CBX3: variants seen among roughly 807,000 people sequenced by gnomAD.
CBX3 encodes the protein chromobox protein homolog 3.
A neutral mutation model predicts 22.6 loss-of-function variants in CBX3; 5 were observed. The observed-to-expected ratio is 0.22, with a 90% CI of 0.12 to 0.47. The LOEUF (loss-of-function observed/expected upper bound fraction) is 0.47. Among genes scored for constraint, CBX3 ranks in the 20% least tolerant of loss-of-function variants. The pLI is 0.99. For missense variants in CBX3, 83 were observed against 208.1 expected (o/e 0.40, Z 3.70); for synonymous variants, 50 against 66.6 (o/e 0.75, Z 1.21).
chr7:26,208,683 T>G, intron 4 of CBX3, 128 bp downstream of exon 4: 2 of 813,526 alleles, frequency 2.5e-6, no homozygotes, highest in Non-Finnish European at 3.7e-6. Flanking sequence ...TGCAATGGCA[T>G]GATCTTGGTC....
In CBX3 at chr7:26,212,958, CTAAGT is replaced by C. The variant is rs1784843415; in HGVS notation, c.*754_*758del. 6.6e-6 allele frequency: 1 copy of C among 152,270 alleles called. No individual in the cohort carries two copies. Among genetic ancestry groups the C allele is most frequent in the Admixed American group, 6.5e-5 (1 of 15,290 alleles). 9.4% of individuals were successfully genotyped at this position (152,270 alleles called of 1,614,324 possible). A position where few individuals can be genotyped will look rare whatever the true frequency, so the allele number is the denominator to read the frequency against. On this transcript the variant is annotated 3_prime_UTR_variant, in exon 6 of 6. Transcript: ENST00000396386. ...GTGTGTTTTAACTAGCTAAACAAAA[CTAAGT>C]TAAATGAACATTTAAAAGTTTCCCT...
chr7:26,202,862 G>T (rs1042197147), intron 1 of CBX3, 109 bp from the exon 2 acceptor site: 12 of 703,160 alleles, frequency 1.7e-5, no homozygotes, highest in Non-Finnish European at 2.3e-5. Context: ...TTGTATTCAC[G>T]TTTGAAATGT....
intron 5 of CBX3, 90 bp downstream of exon 5, chr7:26,211,846 A>C: frequency 3.9e-6 from 4 of 1,017,622 alleles, no homozygotes; most frequent in Non-Finnish European, 5.8e-6. Flanking sequence ...GGTAGGGAAA[A>C]ACTATCTGCT....
intron 3 of CBX3, 144 bp from the exon 4 acceptor site, chr7:26,208,249 A>AATG: frequency 1.9e-6 from 1 of 532,914 alleles, no homozygotes; most frequent in Non-Finnish European, 3.2e-6. Context: ...GGGGTGGGGT[A>AATG]ATGTAGGGAA....
intron 2 of CBX3, among the ~76,000 whole-genome samples, chr7:26,204,198 T>A (rs562220988): frequency 6.6e-6 from 1 of 152,130 alleles, no homozygotes; most frequent in South Asian, 2.1e-4. Flanking sequence ...AATGCCATAG[T>A]AGTGAATGAA....
At position 26,206,465 on chromosome 7, in the gene CBX3, T is replaced by G. The variant is rs774040447; in HGVS notation, c.122T>G (p.Val41Gly). The G allele has an allele frequency of 3.1e-6, 5 of 1,613,994 alleles. No individual in the cohort carries two copies. The highest frequency in any genetic ancestry group is 4.2e-6 in the Non-Finnish European group (5 of 1,179,936). ...VVEKVLDRRV[V>G]NGKVEYFLKW... Reference sequence around the variant, plus strand: ...GAAAAAGTACTAGATCGACGTGTAGTGAATGGGAAAGTGGAATATTTCCTG... The same window carrying G: ...GAAAAAGTACTAGATCGACGTGTAGGGAATGGGAAAGTGGAATATTTCCTG... Residue 41 changes from valine to glycine, a missense_variant, in exon 3 of 6, where the codon GTG (valine) becomes GGG (glycine). Transcript: ENST00000396386.
At position 26,208,917 on chromosome 7, in the gene CBX3, C is replaced by CTTTTTTTTTTTT. The variant is rs59657982; in HGVS notation, c.330+385_330+396dup. Among the ~76,000 whole-genome samples the CTTTTTTTTTTTT allele has an allele frequency of 1.4e-4, 4 of 27,942 alleles. 2 individuals carry two copies. Among genetic ancestry groups the CTTTTTTTTTTTT allele is most frequent in the East Asian group, 4.4e-3 (2 of 456 alleles). The allele number at this position is 27,942 out of a possible 152,430, so 18.3% of individuals were successfully genotyped here. A position where few individuals can be genotyped will look rare whatever the true frequency, so the allele number is the denominator to read the frequency against. On this transcript the variant is annotated intron_variant, in intron 4 of 5. Coordinates refer to ENST00000396386, the MANE Select transcript of CBX3 (RefSeq NM_016587.4). ...GTAGGCATGAGCCACCACGCCTGGC[C>CTTTTTTTTTTTT]TTTTTTTTTTTTTTTTTTTTTTTTT... is the stretch of plus-strand genomic sequence containing the variant.
intron 3 of CBX3, 165 bp from the exon 4 acceptor site, chr7:26,208,228 A>AG (rs1413114922): frequency 2.1e-6 from 1 of 482,438 alleles, no homozygotes; most frequent in Non-Finnish European, 3.8e-6. Context: ...TCTCTGGCGG[A>AG]GGCAGGCTGG....
rs1468910139 is a variant in CBX3, at chr7:26,212,610, G to GTA, written c.*403_*404insAT. 4.1e-5 allele frequency: 6 copies of GTA among 147,368 alleles called. No individual in the cohort carries two copies. Among genetic ancestry groups the GTA allele is most frequent in the African/African-American group, 1.5e-4 (6 of 39,780 alleles). 9.1% of individuals were successfully genotyped at this position (147,368 alleles called of 1,614,324 possible). A position where few individuals can be genotyped will look rare whatever the true frequency, so the allele number is the denominator to read the frequency against. On this transcript the variant is annotated 3_prime_UTR_variant, in exon 6 of 6. Coordinates refer to ENST00000396386, the MANE Select transcript of CBX3 (RefSeq NM_016587.4). ...TGTGTGTGTGTGTGTGTGTGTGTGTGTGTATCCATAAAATGCATATGTAAA... is the reference window on the plus strand; with the variant it reads ...TGTGTGTGTGTGTGTGTGTGTGTGTGTATGTATCCATAAAATGCATATGTAAA...
At chr7:26,211,553 C>A (rs1784803342) in intron 4 of CBX3, 109 bp from the exon 5 acceptor site, 1 of 601,122 alleles carries the variant, frequency 1.7e-6, no homozygotes, top group African/African-American at 1.9e-5. Flanking sequence ...AATATGGGTT[C>A]TTGCTCTAGT....
At chr7:26,207,195 G>A (rs1185804175) in intron 3 of CBX3, among the ~76,000 whole-genome samples, 1 of 152,192 alleles carries the variant, frequency 6.6e-6, no homozygotes, top group African/African-American at 2.4e-5. Flanking sequence ...TGGAGATGGA[G>A]CATATGATAG....
Position 26,204,255 on chromosome 7 carries a change from G to A in CBX3, c.24+1233G>A, listed in dbSNP as rs190520743. ...CCTTTTTTTTTTTGTAAACCTTAGT[G>A]TGTATCCTTTTCATTTTCTGTATTT... On this transcript the variant is annotated intron_variant, in intron 2 of 5. Coordinates refer to ENST00000396386, the MANE Select transcript of CBX3 (RefSeq NM_016587.4). Among the ~76,000 whole-genome samples, 424 of 151,776 alleles carry A rather than the reference G, an allele frequency of 2.8e-3. 3 individuals are homozygous for A. Among genetic ancestry groups the A allele is most frequent in the African/African-American group, 9.5e-3 (395 of 41,378 alleles).
At position 26,206,416 on chromosome 7, in the gene CBX3, G is replaced by A; in HGVS notation, c.73G>A (p.Ala25Thr). ...QNGKSKKVEEAEPEEFVVEKV... is the reference protein window; with the variant it reads ...QNGKSKKVEETEPEEFVVEKV... ...TGGAAAGAGTAAAAAAGTTGAAGAG[G>A]CAGAGCCTGAAGAATTTGTCGTGGA... Residue 25 changes from alanine (A) to threonine (T), a missense_variant, in exon 3 of 6, where the codon GCA becomes ACA. Ala to Thr is a moderately conservative substitution (Grantham distance 58, BLOSUM62 0). Transcript: ENST00000396386. 1 of 1,613,588 alleles carries A rather than the reference G, an allele frequency of 6.2e-7. No individual in the cohort carries two copies. Among genetic ancestry groups the A allele is most frequent in the African/African-American group, 1.3e-5 (1 of 75,028 alleles).
Position 26,212,834 on chromosome 7 carries a change from A to G in CBX3, c.*626A>G, listed in dbSNP as rs1040898134. ...ATTGGATAATTTTAAAGTGTCTATAATTGCAGTGGTTTATTTGCAAAATTC... is the reference window on the plus strand; with the variant it reads ...ATTGGATAATTTTAAAGTGTCTATAGTTGCAGTGGTTTATTTGCAAAATTC... On this transcript the variant is annotated 3_prime_UTR_variant, in exon 6 of 6. Coordinates refer to ENST00000396386, the MANE Select transcript of CBX3 (RefSeq NM_016587.4). The G allele has an allele frequency of 6.6e-6, 1 of 152,274 alleles. No individual in the cohort carries two copies. The highest frequency in any genetic ancestry group is 2.4e-5 in the African/African-American group (1 of 41,474). The allele number at this position is 152,274 out of a possible 1,614,324, so 9.4% of individuals were successfully genotyped here.
intron 3 of CBX3, among the ~76,000 whole-genome samples, chr7:26,207,509 T>C (rs1784706017): frequency 6.6e-6 from 1 of 152,132 alleles, no homozygotes; most frequent in Non-Finnish European, 1.5e-5. Flanking sequence ...TAACAGGTAA[T>C]GTAAAAGACT....
In CBX3 at chr7:26,208,473, G is replaced by A. The variant is rs1030298185; in HGVS notation, c.248G>A (p.Gly83Asp). The A allele has an allele frequency of 6.2e-7, 1 of 1,613,834 alleles. No homozygotes were observed. Among genetic ancestry groups the A allele is most frequent in the Non-Finnish European group, 8.5e-7 (1 of 1,179,848 alleles). The change falls in exon 4 of 6, where the codon GGC becomes GAC. Residue 83 changes from glycine to aspartate, a missense_variant. Transcript: ENST00000396386. Reference sequence around the variant, plus strand: ...GCGTTTCTTAACTCTCAGAAAGCTGGCAAAGAAAAAGATGGTACAAAAAGA... The same window carrying A: ...GCGTTTCTTAACTCTCAGAAAGCTGACAAAGAAAAAGATGGTACAAAAAGA... ...IEAFLNSQKAGKEKDGTKRKS... is the reference protein window; with the variant it reads ...IEAFLNSQKADKEKDGTKRKS...
chr7:26,201,936 CCCCGCGCCGGGA>C (rs1784481584), intron 1 of CBX3, 110 bp downstream of exon 1: 1 of 151,934 alleles, frequency 6.6e-6, no homozygotes, highest in African/African-American at 2.4e-5. Context: ...TCTCGCCGGA[CCCCGCGCCGGGA>C]GCTGCGGGAA....
At chr7:26,201,470 A>G (rs1212238467), upstream of CBX3, 1 of 152,078 alleles carries the variant, frequency 6.6e-6, no homozygotes, top group African/African-American at 2.4e-5. Context: ...TGCCAAGCAG[A>G]AAAGCCACCG....
At chr7:26,207,050 C>T (rs906126720) in intron 3 of CBX3, among the ~76,000 whole-genome samples, 1 of 152,168 alleles carries the variant, frequency 6.6e-6, no homozygotes, top group Non-Finnish European at 1.5e-5. Flanking sequence ...ATAACTTGAA[C>T]ATGCAACAAT....
Sources: allele counts gnomAD v4.1 joint callset (sites outside exome capture counted in the v4.1 genomes callset), GRCh38; gene constraint gnomAD v4.1.1; transcripts MANE v1.5; gene names NCBI Gene and HGNC (gene_info 2026-07-23, HGNC 2026-07-21).